SNX31: variants seen among roughly 807,000 people sequenced by gnomAD.
SNX31 encodes sorting nexin-31.
In SNX31, 58 loss-of-function variants were observed where a neutral mutation model predicts 65.4. The ratio of observed to expected loss-of-function variants is 0.89; its 90% confidence interval spans 0.72 to 1.10. The LOEUF is 1.10. Among genes scored for constraint, SNX31 ranks in the 50% least tolerant of loss-of-function variants. The pLI, the probability that SNX31 is intolerant of heterozygous loss-of-function variation, is 0.00. For synonymous variants in SNX31, 181 were observed against 190.1 expected, an observed-to-expected ratio of 0.95 and a Z score of 0.39; for missense variants, 523 against 529.7, an observed-to-expected ratio of 0.99 and a Z score of 0.12.
chr8:100,592,063 A>G (rs899305318), intron 10 of SNX31, among the ~76,000 whole-genome samples: 20 of 152,224 alleles, frequency 1.3e-4, no homozygotes, highest in African/African-American at 4.3e-4. Flanking sequence ...ATAAAAACAA[A>G]CAAACAGAAA....
Position 100,641,565 on chromosome 8 carries a change from AATATATATATATATAT to A in SNX31, c.142-5570_142-5555del, listed in dbSNP as rs1237945389. On this transcript the variant is annotated intron_variant, in intron 2 of 13. Transcript: ENST00000311812. ...TGTCTCAAAAAAAAAAAAAAAAAAA[AATATATATATATATAT>A]ATATATATATATATACACATACACA... Among the ~76,000 whole-genome samples, 72 of 32,098 alleles carry A rather than the reference AATATATATATATATAT, an allele frequency of 2.2e-3. 3 individuals are homozygous for A. The highest frequency in any genetic ancestry group is 3.3e-3 in the Non-Finnish European group (61 of 18,700). The allele number at this position is 32,098 out of a possible 152,430, so 21.1% of individuals were successfully genotyped here.
At chr8:100,589,014 T>G (rs964582406) in intron 10 of SNX31, 35 bp from the exon 11 acceptor site, 2 of 1,546,436 alleles carry the variant, frequency 1.3e-6, no homozygotes, top group African/African-American at 1.4e-5. Context: ...CAATGTAAAT[T>G]TAAATGCCTA....
chr8:100,581,329 C>CTATATATATATA (rs1491502174), intron 12 of SNX31, among the ~76,000 whole-genome samples: 12 of 80,168 alleles, frequency 1.5e-4, no homozygotes, highest in African/African-American at 4.9e-4. Flanking sequence ...CTATATCTAT[C>CTATATATATATA]TATCTATCTA....
intron 3 of SNX31, among the ~76,000 whole-genome samples, chr8:100,632,039 C>A (rs1213235787): frequency 6.6e-6 from 1 of 152,126 alleles, no homozygotes; most frequent in African/African-American, 2.4e-5. Flanking sequence ...GAAACTGAGG[C>A]TCAGAGAAGG....
At chr8:100,618,063 G>A (rs1817384403) in intron 4 of SNX31, 9 of 985,120 alleles carry the variant, frequency 9.1e-6, no homozygotes, top group Non-Finnish European at 1.1e-5. Flanking sequence ...ACCACGCCCG[G>A]CCTCCACACC....
intron 4 of SNX31, among the ~76,000 whole-genome samples, chr8:100,627,560 G>A (rs1225094650): frequency 1.3e-5 from 2 of 151,832 alleles, no homozygotes; most frequent in Non-Finnish European, 2.9e-5. Flanking sequence ...TTTTTTTTTC[G>A]AGACAGAGTC....
intron 1 of SNX31, among the ~76,000 whole-genome samples, chr8:100,659,049 G>A (rs1182192939): frequency 6.6e-6 from 1 of 152,036 alleles, no homozygotes; most frequent in Non-Finnish European, 1.5e-5. Context: ...AGGGACATAA[G>A]AAGGTGTGGG....
chr8:100,628,680 T>C (rs1483660040), intron 4 of SNX31, among the ~76,000 whole-genome samples: 1 of 152,118 alleles, frequency 6.6e-6, no homozygotes, highest in Non-Finnish European at 1.5e-5. Context: ...ACATGGCACA[T>C]GTCTACATAT....
chr8:100,658,886 T>C (rs1451526789), intron 1 of SNX31, among the ~76,000 whole-genome samples: 2 of 152,244 alleles, frequency 1.3e-5, no homozygotes, highest in African/African-American at 4.8e-5. Context: ...GGACCTACTC[T>C]GTGCCCACTG....
rs1563514254 is a variant in SNX31 at position 100,584,211 on chromosome 8, ACT to A, written c.1093-25_1093-24del. On this transcript the variant is annotated intron_variant, in intron 11 of 13. Coordinates refer to ENST00000311812, the MANE Select transcript of SNX31 (RefSeq NM_152628.4). Reference sequence around the variant, plus strand: ...AGCCTAAGAAATGCAGGAATAAAGAACTCTTGTAACCGAAGAAATCTTCACTC... The same window carrying A: ...AGCCTAAGAAATGCAGGAATAAAGAACTTGTAACCGAAGAAATCTTCACTC... 3 of 1,573,558 alleles carry A rather than the reference ACT, an allele frequency of 1.9e-6. No individual in the cohort carries two copies. In the South Asian group the frequency reaches 3.5e-5, roughly 18 times the overall value.
At chr8:100,607,747 C>A (rs1377743309) in intron 8 of SNX31, among the ~76,000 whole-genome samples, 3 of 152,202 alleles carry the variant, frequency 2.0e-5, no homozygotes, top group Non-Finnish European at 4.4e-5. Flanking sequence ...TGCATGCCTG[C>A]ATGAAAATAT....
intron 4 of SNX31, chr8:100,618,501 T>C (rs1198161929): frequency 3.2e-6 from 2 of 629,368 alleles, no homozygotes; most frequent in Non-Finnish European, 5.6e-6. Context: ...ATGCTTTGCT[T>C]GGAGTTGGCA....
Position 100,617,734 on chromosome 8 carries a change from T to C in SNX31, c.322-4A>G, listed in dbSNP as rs1554581486. 1.9e-6 allele frequency: 3 copies of C among 1,586,988 alleles called. No individual in the cohort carries two copies. The highest frequency in any genetic ancestry group is 1.8e-5 in the Admixed American group (1 of 54,934). The stretch of plus-strand genomic sequence containing the variant: ...TGGTGGCGATGTCAAATGTATTCTA[T>C]AAGCAAAAGAAAAGCAAAATAAATT... On this transcript the variant is annotated splice_region_variant and splice_polypyrimidine_tract_variant and intron_variant, in intron 4 of 13. Transcript: ENST00000311812.
intron 4 of SNX31, chr8:100,618,977 G>A (rs1330683220): frequency 6.6e-6 from 1 of 152,158 alleles, no homozygotes; most frequent in African/African-American, 2.4e-5. Context: ...CACTGGTGAC[G>A]AAACTCAATC....
intron 2 of SNX31, among the ~76,000 whole-genome samples, chr8:100,641,545 CAAAAA>C (rs1173913088): frequency 2.0e-4 from 2 of 10,256 alleles, no homozygotes; most frequent in African/African-American, 4.3e-4. Flanking sequence ...GACCTTGTCT[CAAAAA>C]AAAAAAAAAA....
intron 10 of SNX31, among the ~76,000 whole-genome samples, chr8:100,589,301 C>CAAA (rs35464482): frequency 7.6e-4 from 73 of 96,270 alleles, no homozygotes; most frequent in Middle Eastern, 5.6e-3. Context: ...GACTTCGTCT[C>CAAA]AAAAAAAAAA....
At chr8:100,627,550 T>A (rs1398122481) in intron 4 of SNX31, among the ~76,000 whole-genome samples, 7 of 151,854 alleles carry the variant, frequency 4.6e-5, no homozygotes, top group South Asian at 2.1e-4. Flanking sequence ...TTTAAAAAAA[T>A]TTTTTTTTCG....
chr8:100,626,786 AAAG>A lies in SNX31; in HGVS notation c.321+3538_321+3540del, dbSNP rs1462057721. Among the ~76,000 whole-genome samples, 3 of 152,220 alleles carry A rather than the reference AAAG, an allele frequency of 2.0e-5. No individual in the cohort carries two copies. The highest frequency in any genetic ancestry group is 1.9e-4 in the East Asian group (1 of 5,200). On this transcript the variant is annotated intron_variant, in intron 4 of 13. Coordinates refer to ENST00000311812, the MANE Select transcript of SNX31 (RefSeq NM_152628.4). The surrounding 1 kb of genome is among the most constrained non-coding windows in gnomAD (Gnocchi z 4.4). ...TACATCATTAAGCAGATGAAAATAA[AAAG>A]AAGGTGTTTCTGAATGAAGACCTCA...
rs1446227090 is a variant in SNX31, at chr8:100,626,313, T to C, written c.321+4014A>G. The stretch of plus-strand genomic sequence containing the variant: ...TGAGGTACAAAAAGCCTAAGTAAAT[T>C]GACCCAAGTCATATAAATCAAAAGT... On this transcript the variant is annotated intron_variant, in intron 4 of 13. Transcript: ENST00000311812. The surrounding 1 kb of genome is among the most constrained non-coding windows in gnomAD (Gnocchi z 4.4). 1.3e-5 allele frequency among the ~76,000 whole-genome samples: 2 copies of C among 152,188 alleles called. No homozygotes were observed. Among genetic ancestry groups the C allele is most frequent in the Non-Finnish European group, 2.9e-5 (2 of 68,038 alleles).
Sources: allele counts gnomAD v4.1 joint callset (sites outside exome capture counted in the v4.1 genomes callset), GRCh38; gene constraint gnomAD v4.1.1; non-coding constraint Gnocchi (gnomAD v3.1); transcripts MANE v1.5; gene names NCBI Gene and HGNC (gene_info 2026-07-23, HGNC 2026-07-21).